The following MSI2 variants were observed in gnomAD, a reference collection of about 807,000 sequenced individuals.
MSI2 encodes the protein musashi RNA binding protein 2, also known as RNA-binding protein Musashi homolog 2.
In MSI2, 17 loss-of-function variants were observed where a neutral mutation model predicts 45.6. The ratio of observed to expected loss-of-function variants is 0.37; its 90% CI spans 0.26 to 0.56. MSI2 has a LOEUF of 0.56. Among genes scored for constraint, MSI2 ranks in the 20% least tolerant of loss-of-function variants. The pLI is 0.77. For missense variants in MSI2, 293 were observed against 444.2 expected (o/e 0.66, Z 3.06); for synonymous variants, 156 against 158.2 (o/e 0.99, Z 0.11).
chr17:57,508,987 G>A (rs1405821911), intron 6 of MSI2, among the ~76,000 whole-genome samples: 5 of 150,526 alleles, frequency 3.3e-5, no homozygotes, highest in Admixed American at 6.6e-5. Flanking sequence ...CAAGTGAGAG[G>A]ACCCCTGAGT....
chr17:57,285,517 G>A (rs1205050057), intron 5 of MSI2, among the ~76,000 whole-genome samples: 1 of 152,196 alleles, frequency 6.6e-6, no homozygotes, highest in Admixed American at 6.5e-5. Flanking sequence ...GGAAGGTGGT[G>A]GTGGGAGGGC....
intron 6 of MSI2, among the ~76,000 whole-genome samples, chr17:57,482,581 G>A (rs2067718066): frequency 6.6e-6 from 1 of 152,196 alleles, no homozygotes; most frequent in South Asian, 2.1e-4. Context: ...TGTTGGCCGT[G>A]ACTTTGGTGA....
chr17:57,545,896 A>G (rs1214439946), intron 7 of MSI2, among the ~76,000 whole-genome samples: 1 of 150,636 alleles, frequency 6.6e-6, no homozygotes, highest in Non-Finnish European at 1.5e-5. Context: ...GCATTATTAC[A>G]TCTGAGTCGC....
chr17:57,410,008 CAA>C lies in MSI2; in HGVS notation c.405+8553_405+8554del, dbSNP rs59098048. Among the ~76,000 whole-genome samples the C allele has an allele frequency of 5.2e-4, 32 of 61,652 alleles. 1 individual carries two copies. Among genetic ancestry groups the C allele is most frequent in the Non-Finnish European group, 6.2e-4 (21 of 33,736 alleles). 40.4% of individuals were successfully genotyped at this position (61,652 alleles called of 152,430 possible). A position where few individuals can be genotyped will look rare whatever the true frequency, so the allele number is the denominator to read the frequency against. On this transcript the variant is annotated intron_variant, in intron 6 of 13. Transcript: ENST00000284073. ...GGGTGACAGTGTGAGACTCTGTCTC[CAA>C]AAAAAAAAAAAAAAATGGGGAGTAT...
chr17:57,595,757 A>G (rs1207784970), intron 7 of MSI2, among the ~76,000 whole-genome samples: 1 of 152,180 alleles, frequency 6.6e-6, no homozygotes, highest in African/African-American at 2.4e-5. Flanking sequence ...GGGCAGCCAC[A>G]AACATTCAGA....
At chr17:57,438,820 TGCG>T (rs1598270872) in intron 6 of MSI2, among the ~76,000 whole-genome samples, 55 of 150,238 alleles carry the variant, frequency 3.7e-4, no homozygotes, top group South Asian at 6.4e-4. Flanking sequence ...TTTTTGAGAC[TGCG>T]TTTGTTTCAT....
intron 7 of MSI2, among the ~76,000 whole-genome samples, chr17:57,549,105 G>A (rs1267686114): frequency 6.6e-6 from 1 of 152,122 alleles, no homozygotes; most frequent in Non-Finnish European, 1.5e-5. Context: ...GAACACCTGG[G>A]CTTAAGTGAT....
chr17:57,268,858 C>T (rs1908087875), intron 5 of MSI2, among the ~76,000 whole-genome samples: 1 of 151,742 alleles, frequency 6.6e-6, no homozygotes, highest in East Asian at 1.9e-4. Flanking sequence ...AACAAACAAA[C>T]AAAAAACACC....
At chr17:57,642,696 G>T (rs750181848) in intron 10 of MSI2, among the ~76,000 whole-genome samples, 2 of 152,212 alleles carry the variant, frequency 1.3e-5, no homozygotes, top group African/African-American at 2.4e-5. Flanking sequence ...ACTGTATGTT[G>T]TTCACTGCTA....
chr17:57,411,633 G>A (rs1224212150), intron 6 of MSI2, among the ~76,000 whole-genome samples: 1 of 152,114 alleles, frequency 6.6e-6, no homozygotes, highest in Non-Finnish European at 1.5e-5. Context: ...AGGACTCTGG[G>A]TTTGTTGTTA....
chr17:57,431,420 A>G (rs1393787060), intron 6 of MSI2, among the ~76,000 whole-genome samples: 1 of 152,168 alleles, frequency 6.6e-6, no homozygotes. Flanking sequence ...GTGTCCTTGC[A>G]TTGTGAGTGT....
chr17:57,463,528 G>A (rs1006973172), intron 6 of MSI2, among the ~76,000 whole-genome samples: 2 of 152,018 alleles, frequency 1.3e-5, no homozygotes, highest in African/African-American at 4.8e-5. Flanking sequence ...CTCCCAGCTG[G>A]CTGGGTCTCC....
intron 7 of MSI2, among the ~76,000 whole-genome samples, chr17:57,572,461 G>A (rs745984950): frequency 2.6e-5 from 4 of 152,182 alleles, no homozygotes; most frequent in South Asian, 2.1e-4. Context: ...AGCTTCTGAC[G>A]ATTTGCTTTT....
rs554843002 is a variant in MSI2, at chr17:57,641,190, G to A, written c.728-10909G>A. 2.0e-5 allele frequency among the ~76,000 whole-genome samples: 3 copies of A among 152,250 alleles called. No homozygotes were observed. The South Asian group carries it at 6.2e-4, about 32-fold the overall frequency. On this transcript the variant is annotated intron_variant, in intron 10 of 13. Coordinates refer to ENST00000284073, the MANE Select transcript of MSI2 (RefSeq NM_138962.4). ...ACGTCACTCAGGAGACAGAAGTGGT[G>A]GAGCATCTAGGGGAGGGAACTTAAG...
At chr17:57,402,441 T>C (rs992011809) in intron 6 of MSI2, among the ~76,000 whole-genome samples, 2 of 152,188 alleles carry the variant, frequency 1.3e-5, no homozygotes, top group African/African-American at 4.8e-5. Flanking sequence ...AGAGAGCTGC[T>C]GAGGCGTCCT....
intron 5 of MSI2, among the ~76,000 whole-genome samples, chr17:57,370,540 G>A (rs2083405148): frequency 6.6e-6 from 1 of 152,176 alleles, no homozygotes; most frequent in Admixed American, 6.5e-5. Flanking sequence ...GTGTTATCAG[G>A]AGTTAGTCCT....
intron 6 of MSI2, among the ~76,000 whole-genome samples, chr17:57,465,979 G>T (rs1273015734): frequency 6.6e-6 from 1 of 152,124 alleles, no homozygotes; most frequent in Non-Finnish European, 1.5e-5. Context: ...GCACCTAATG[G>T]CTTACAACTG....
intron 5 of MSI2, among the ~76,000 whole-genome samples, chr17:57,300,890 T>C (rs1911366903): frequency 6.6e-6 from 1 of 152,180 alleles, no homozygotes; most frequent in Admixed American, 6.5e-5. Context: ...ACTGGATCCC[T>C]CCTACAACAT....
intron 5 of MSI2, among the ~76,000 whole-genome samples, chr17:57,397,448 C>T (rs1478992190): frequency 2.6e-5 from 4 of 152,208 alleles, no homozygotes; most frequent in Admixed American, 6.5e-5. Context: ...TGCACCCTCA[C>T]GTGTCCATAG....
Sources: gnomAD v4.1 joint callset for allele counts (sites outside exome capture counted in the v4.1 genomes callset) on GRCh38, gnomAD v4.1.1 for gene constraint, MANE v1.5 for transcripts, NCBI Gene and HGNC (gene_info 2026-07-23, HGNC 2026-07-21) for gene names.